The following PTPRN2 variants were observed in gnomAD, a reference collection of about 807,000 sequenced individuals.
The protein encoded by PTPRN2 is receptor-type tyrosine-protein phosphatase N2.
PTPRN2 carries 74 observed loss-of-function variants against 118.8 expected under a neutral mutation model. The ratio of observed to expected loss-of-function variants is 0.62; its 90% confidence interval spans 0.52 to 0.76. PTPRN2 has a LOEUF of 0.76. PTPRN2 is among the 30% of genes least tolerant of loss of function. The probability of loss-of-function intolerance (pLI) is 0.00; values close to 1 mark genes in which losing one functional copy is unlikely to be tolerated. For missense variants in PTPRN2, 1,481 were observed against 1,394.4 expected, an observed-to-expected ratio of 1.06 and a Z score of -0.99; for synonymous variants, 641 against 608.0, an observed-to-expected ratio of 1.05 and a Z score of -0.80.
chr7:158,531,497 C>A (rs1825230967), intron 1 of PTPRN2, among the ~76,000 whole-genome samples: 1 of 152,204 alleles, frequency 6.6e-6, no homozygotes, highest in African/African-American at 2.4e-5. Context: ...GGCAAAGCCC[C>A]CTCCAGGCTC....
chr7:157,797,528 T>G (rs1389655340), intron 12 of PTPRN2, among the ~76,000 whole-genome samples: 2 of 145,456 alleles, frequency 1.4e-5, no homozygotes, highest in Non-Finnish European at 2.9e-5. Context: ...AGGCATCCCG[T>G]GAGGGTCACA....
chr7:158,516,204 G>C (rs762656802), intron 1 of PTPRN2, among the ~76,000 whole-genome samples: 2 of 152,174 alleles, frequency 1.3e-5, no homozygotes, highest in African/African-American at 4.8e-5. Flanking sequence ...TCCAGCCAGC[G>C]CAGTGGCTCA....
chr7:158,581,570 G>A (rs73180257), intron 1 of PTPRN2, among the ~76,000 whole-genome samples: 32,289 of 152,012 alleles, frequency 0.21, 3,865 homozygotes, highest in South Asian at 0.4. Flanking sequence ...CTCCAGAATC[G>A]GTTTTGTAAC....
At chr7:158,153,677 C>T (rs143997961) in intron 6 of PTPRN2, among the ~76,000 whole-genome samples, 1,652 of 152,318 alleles carry the variant, frequency 0.011, 12 homozygotes, top group Middle Eastern at 0.024. Flanking sequence ...GTCTTGCAGA[C>T]CAGGCAAACA....
At chr7:158,368,921 T>G (rs1809740442) in intron 2 of PTPRN2, among the ~76,000 whole-genome samples, 1 of 152,110 alleles carries the variant, frequency 6.6e-6, no homozygotes, top group African/African-American at 2.4e-5. Context: ...GGATGGAAAG[T>G]ATTGATCCTG....
chr7:157,938,495 C>T (rs1345505765), intron 11 of PTPRN2, among the ~76,000 whole-genome samples: 1 of 152,214 alleles, frequency 6.6e-6, no homozygotes, highest in African/African-American at 2.4e-5. Flanking sequence ...GTGCAGACCA[C>T]TGCCCACCCT....
At chr7:157,686,783 GAGA>G (rs1797217839) in intron 12 of PTPRN2, among the ~76,000 whole-genome samples, 1 of 152,222 alleles carries the variant, frequency 6.6e-6, no homozygotes, top group Non-Finnish European at 1.5e-5. Context: ...GAGGAGGAGG[GAGA>G]AGGAGGCCTG....
At chr7:157,972,551 T>G (rs1802413260) in intron 11 of PTPRN2, among the ~76,000 whole-genome samples, 1 of 87,374 alleles carries the variant, frequency 1.1e-5, no homozygotes. Context: ...CCACGGGAAC[T>G]CCACACCACG....
At position 158,487,275 on chromosome 7, in the gene PTPRN2, A is replaced by C. The variant is rs182011953; in HGVS notation, c.163+2460T>G. Among the ~76,000 whole-genome samples the C allele has an allele frequency of 1.7e-4, 26 of 152,286 alleles. No individual in the cohort carries two copies. In the Middle Eastern group the frequency reaches 0.01, roughly 60 times the overall value. On this transcript the variant is annotated intron_variant, in intron 2 of 22. Coordinates refer to ENST00000389418, the MANE Select transcript of PTPRN2 (RefSeq NM_002847.5). ...TCTTCAAGTCTCTGCTTCCTGTGTT[A>C]TGGGGTACGTACCCAGAAGTGGGGT...
rs1197900834 is a variant in PTPRN2, at chr7:158,529,182, A to G, written c.113-39397T>C. Among the ~76,000 whole-genome samples, 2 of 152,236 alleles carry G rather than the reference A, an allele frequency of 1.3e-5. No homozygotes were observed. The highest frequency in any genetic ancestry group is 2.9e-5 in the Non-Finnish European group (2 of 68,032). On this transcript the variant is annotated intron_variant, in intron 1 of 22. Transcript: ENST00000389418. The surrounding 1 kb of genome is among the most constrained non-coding windows in gnomAD (Gnocchi z 4.7). ...ATTAGAATGCCCGCAGCACTCACAC[A>G]GCACCTGGTGGGCACTAAGCACCCG...
In PTPRN2 at chr7:157,649,680, G is replaced by A. The variant is rs200086943; in HGVS notation, c.2196+6677C>T. ...GACCCATCCAGCGTGCACTGAACTCGGTGGGTCGGACCCATTCACTGTGCA... is the reference window on the plus strand; with the variant it reads ...GACCCATCCAGCGTGCACTGAACTCAGTGGGTCGGACCCATTCACTGTGCA... On this transcript the variant is annotated intron_variant, in intron 14 of 22. Transcript: ENST00000389418. Among the ~76,000 whole-genome samples the A allele has an allele frequency of 2.3e-3, 312 of 133,772 alleles. 7 individuals carry two copies. The highest frequency in any genetic ancestry group is 3.7e-3 in the Non-Finnish European group (226 of 61,020). 87.8% of individuals were successfully genotyped at this position (133,772 alleles called of 152,430 possible).
chr7:158,271,375 G>A (rs1167099293), intron 3 of PTPRN2, among the ~76,000 whole-genome samples: 1 of 152,208 alleles, frequency 6.6e-6, no homozygotes, highest in Non-Finnish European at 1.5e-5. Context: ...AGCTGGACTA[G>A]CCACAACTTA....
intron 2 of PTPRN2, among the ~76,000 whole-genome samples, chr7:158,354,374 T>A (rs1448380659): frequency 6.6e-6 from 1 of 152,026 alleles, no homozygotes; most frequent in East Asian, 1.9e-4. Flanking sequence ...CAAGAACCAG[T>A]GACTGGCCCA....
chr7:158,133,623 G>T, intron 9 of PTPRN2, 54 bp downstream of exon 9: 5 of 1,511,316 alleles, frequency 3.3e-6, no homozygotes, highest in Non-Finnish European at 4.4e-6. Context: ...CCTCCAGCCT[G>T]CTGGGACAAG....
rs1236418958 is a variant in PTPRN2 at position 158,341,354 on chromosome 7, G to GCT, written c.164-24423_164-24422insAG. ...TCACACCCACACTCTCACCATAAGA[G>GCT]GTAACACATGCAGACGTCACTCACA... On this transcript the variant is annotated intron_variant, in intron 2 of 22. Transcript: ENST00000389418. 5.6e-3 allele frequency among the ~76,000 whole-genome samples: 828 copies of GCT among 146,628 alleles called. 6 individuals are homozygous for GCT. Among genetic ancestry groups the GCT allele is most frequent in the African/African-American group, 0.02 (755 of 38,440 alleles).
chr7:157,869,078 C>A lies in PTPRN2; in HGVS notation c.1788+29595G>T, dbSNP rs890232347. The A allele has an allele frequency of 2.0e-5, 3 of 152,204 alleles. No individual in the cohort carries two copies. Among genetic ancestry groups the A allele is most frequent in the Non-Finnish European group, 4.4e-5 (3 of 68,036 alleles). 9.4% of individuals were successfully genotyped at this position (152,204 alleles called of 1,614,324 possible). A position where few individuals can be genotyped will look rare whatever the true frequency, so the allele number is the denominator to read the frequency against. On this transcript the variant is annotated intron_variant, in intron 12 of 22. Transcript: ENST00000389418. The surrounding 1 kb of genome is among the most constrained non-coding windows in gnomAD (Gnocchi z 4.2). ...TCTGTAAGTACTAAGTTTTAAAATGCGTGTGAGCAAGTCAAATTTCTGATG... is the reference window on the plus strand; with the variant it reads ...TCTGTAAGTACTAAGTTTTAAAATGAGTGTGAGCAAGTCAAATTTCTGATG...
intron 12 of PTPRN2, among the ~76,000 whole-genome samples, chr7:157,826,712 C>A (rs1029919159): frequency 6.6e-6 from 1 of 152,106 alleles, no homozygotes; most frequent in Non-Finnish European, 1.5e-5. Context: ...CGGAGCCTGG[C>A]GGGGACTTGG....
rs1013685924 is a variant in PTPRN2 at position 157,587,921 on chromosome 7, C to T, written c.2496+7317G>A. Among the ~76,000 whole-genome samples, 5 of 151,046 alleles carry T rather than the reference C, an allele frequency of 3.3e-5. No individual in the cohort carries two copies. The highest frequency in any genetic ancestry group is 1.3e-4 in the Admixed American group (2 of 15,196). On this transcript the variant is annotated intron_variant, in intron 17 of 22. Transcript: ENST00000389418. The surrounding 1 kb of genome is among the most constrained non-coding windows in gnomAD (Gnocchi z 5.3). ...GTGGCTGTCCCCGTGCCTGGGCTCC[C>T]GCGGTGGCTGTCCCCGTGCCTGGGC... is the stretch of plus-strand genomic sequence containing the variant.
At chr7:158,000,020 G>A (rs139403388) in intron 11 of PTPRN2, among the ~76,000 whole-genome samples, 10 of 152,194 alleles carry the variant, frequency 6.6e-5, no homozygotes, top group African/African-American at 2.4e-4. Context: ...GCGAGAAGCT[G>A]GGATTACAGG....
Sources: gnomAD v4.1 joint callset for allele counts (sites outside exome capture counted in the v4.1 genomes callset) on GRCh38, gnomAD v4.1.1 for gene constraint, Gnocchi (gnomAD v3.1) non-coding constraint, MANE v1.5 for transcripts, NCBI Gene and HGNC (gene_info 2026-07-23, HGNC 2026-07-21) for gene names.